The following GDPD5 variants were observed in gnomAD, a reference collection of about 807,000 sequenced individuals.
GDPD5 encodes glycerophosphodiester phosphodiesterase domain containing 5.
Under a neutral mutation model 75.1 loss-of-function variants are expected in GDPD5, and 48 were observed. That is an observed-to-expected ratio of 0.64 (90% CI 0.51 to 0.81). The LOEUF (loss-of-function observed/expected upper bound fraction) is 0.81, where lower values mean the gene tolerates loss of function less well. Among genes scored for constraint, GDPD5 ranks in the 40% least tolerant of loss-of-function variants. GDPD5 has a pLI of 0.00. For synonymous variants in GDPD5, 336 were observed against 339.0 expected, an observed-to-expected ratio of 0.99 and a Z score of 0.10; for missense variants, 706 against 822.6, an observed-to-expected ratio of 0.86 and a Z score of 1.73.
chr11:75,501,643 C>A (rs549350798), intron 1 of GDPD5, among the ~76,000 whole-genome samples: 18 of 152,294 alleles, frequency 1.2e-4, no homozygotes, highest in African/African-American at 4.3e-4. Context: ...AACAGTCTGG[C>A]CTGTTCCATT....
intron 2 of GDPD5, among the ~76,000 whole-genome samples, chr11:75,484,416 G>A (rs1180303462): frequency 2.0e-5 from 3 of 152,128 alleles, no homozygotes; most frequent in Non-Finnish European, 4.4e-5. Context: ...ACCCAGGCGT[G>A]GGTCTCCAGA....
At chr11:75,475,076 T>C (rs1243687565) in intron 3 of GDPD5, among the ~76,000 whole-genome samples, 1 of 152,232 alleles carries the variant, frequency 6.6e-6, no homozygotes, top group Non-Finnish European at 1.5e-5. Flanking sequence ...GCAATGCATG[T>C]AAACTGTTTG....
intron 2 of GDPD5, among the ~76,000 whole-genome samples, chr11:75,484,582 T>C (rs1949983742): frequency 6.6e-6 from 1 of 152,174 alleles, no homozygotes; most frequent in Admixed American, 6.5e-5. Context: ...CCTTAATAAA[T>C]GTGTTCCAGA....
chr11:75,439,865 C>A lies in GDPD5; in HGVS notation c.1556+14G>T. On this transcript the variant is annotated intron_variant, in intron 15 of 16. Coordinates refer to ENST00000336898, the MANE Select transcript of GDPD5 (RefSeq NM_030792.8). ...GGGTAGGGACAGCCACGGAAGTGGT[C>A]AGATCCTACTCACTTCTGGAGCACG... 6.2e-7 allele frequency: 1 copy of A among 1,606,748 alleles called. No homozygotes were observed. Among genetic ancestry groups the A allele is most frequent in the South Asian group, 1.1e-5 (1 of 90,882 alleles).
At chr11:75,462,172 G>A (rs950706764) in intron 4 of GDPD5, among the ~76,000 whole-genome samples, 1 of 152,196 alleles carries the variant, frequency 6.6e-6, no homozygotes, top group Non-Finnish European at 1.5e-5. Flanking sequence ...GTATACAAAG[G>A]GGGTAACCAA....
chr11:75,493,893 A>T (rs1386098761), intron 1 of GDPD5, among the ~76,000 whole-genome samples: 3 of 152,246 alleles, frequency 2.0e-5, no homozygotes, highest in Non-Finnish European at 4.4e-5. Flanking sequence ...AAAAATGCAC[A>T]TGGTGGCTGA....
rs1487400437 is a variant in GDPD5 at position 75,456,819 on chromosome 11, G to A, written c.316-3C>T. On this transcript the variant is annotated splice_region_variant and splice_polypyrimidine_tract_variant and intron_variant, in intron 5 of 16. Transcript: ENST00000336898. ...GCAATGTGACATAGTGCCAGGACCTGAGGAGGGACCCACAGGGTGATTGTC... is the reference window on the plus strand; with the variant it reads ...GCAATGTGACATAGTGCCAGGACCTAAGGAGGGACCCACAGGGTGATTGTC... 2 of 1,614,188 alleles carry A rather than the reference G, an allele frequency of 1.2e-6. No homozygotes were observed. Among genetic ancestry groups the A allele is most frequent in the Admixed American group, 1.7e-5 (1 of 60,034 alleles).
chr11:75,485,471 A>G (rs1456245419), intron 2 of GDPD5: 1 of 151,510 alleles, frequency 6.6e-6, no homozygotes, highest in African/African-American at 2.4e-5. Flanking sequence ...AATCAATTTT[A>G]CTGTAAACCT....
At position 75,470,924 on chromosome 11, in the gene GDPD5, G is replaced by A. The variant is rs114448869; in HGVS notation, c.117+6695C>T. Among the ~76,000 whole-genome samples the A allele has an allele frequency of 9.3e-3, 1,418 of 152,226 alleles. 22 individuals are homozygous for A. The highest frequency in any genetic ancestry group is 0.032 in the African/African-American group (1,318 of 41,532). Reference sequence around the variant, plus strand: ...CAAGGCAGCCCTTTCCCCCTTGTGCGGGCTCTGCCTGGCACAGCTCCTTTC... The same window carrying A: ...CAAGGCAGCCCTTTCCCCCTTGTGCAGGCTCTGCCTGGCACAGCTCCTTTC... On this transcript the variant is annotated intron_variant, in intron 3 of 16. Transcript: ENST00000336898.
chr11:75,447,867 C>A (rs902626667), intron 9 of GDPD5, among the ~76,000 whole-genome samples: 1 of 152,176 alleles, frequency 6.6e-6, no homozygotes, highest in African/African-American at 2.4e-5. Flanking sequence ...GGTGACCCCT[C>A]CAAGATGCAC....
intron 10 of GDPD5, 35 bp downstream of exon 10, chr11:75,444,378 G>A: frequency 6.7e-7 from 1 of 1,489,568 alleles, no homozygotes; most frequent in African/African-American, 1.4e-5. Context: ...CGTGTGGGAG[G>A]GGTAGAGGAA....
chr11:75,509,692 T>G (rs1461977331), intron 1 of GDPD5, among the ~76,000 whole-genome samples: 1 of 152,202 alleles, frequency 6.6e-6, no homozygotes, highest in African/African-American at 2.4e-5. Flanking sequence ...TTTCTTTTTC[T>G]TTTTTGAGAT....
chr11:75,445,462 T>C (rs1396080822), intron 9 of GDPD5, among the ~76,000 whole-genome samples: 3 of 152,166 alleles, frequency 2.0e-5, no homozygotes, highest in Non-Finnish European at 4.4e-5. Flanking sequence ...GCCTCCCTAG[T>C]TGGGTCTCAT....
intron 14 of GDPD5, among the ~76,000 whole-genome samples, chr11:75,440,749 G>A (rs1452517237): frequency 6.6e-6 from 1 of 150,992 alleles, no homozygotes; most frequent in Non-Finnish European, 1.5e-5. Flanking sequence ...ATTTTTTTTT[G>A]TAGAGACAGG....
chr11:75,517,266 C>G (rs1237960515), intron 1 of GDPD5: 1 of 152,054 alleles, frequency 6.6e-6, no homozygotes, highest in Non-Finnish European at 1.5e-5. Flanking sequence ...ACCAGCCTAA[C>G]CAACATAGCG....
chr11:75,441,194 A>C lies in GDPD5; in HGVS notation c.1442T>G (p.Leu481Arg), dbSNP rs1948789193. ...CCAGAGGGGGGAAGGCACCTGGGAC[A>C]GGGCGTGGGAGTTGTCAGAGGTGAC... is the stretch of plus-strand genomic sequence containing the variant. ...PSVTSDNSHA[L>R]SQVPSPLWIM... Residue 481 changes from leucine (L) to arginine (R), a missense_variant, in exon 14 of 17, where the codon CTG becomes CGG. Coordinates refer to ENST00000336898, the MANE Select transcript of GDPD5 (RefSeq NM_030792.8). The C allele has an allele frequency of 6.2e-7, 1 of 1,613,844 alleles. No individual in the cohort carries two copies. Among genetic ancestry groups the C allele is most frequent in the Non-Finnish European group, 8.5e-7 (1 of 1,179,976 alleles).
In GDPD5 at chr11:75,499,393, CCT is replaced by C. The variant is rs1491496892; in HGVS notation, c.-144-9075_-144-9074del. On this transcript the variant is annotated intron_variant, in intron 1 of 16. Coordinates refer to ENST00000336898, the MANE Select transcript of GDPD5 (RefSeq NM_030792.8). ...AACTTTCCTTCTTTCTTCTTCTTTT[CCT>C]TTTTTTTTTTTTTTTTTTTTTTAAC... 4.1e-3 allele frequency among the ~76,000 whole-genome samples: 571 copies of C among 140,172 alleles called. 5 individuals are homozygous for C. The highest frequency in any genetic ancestry group is 0.01 in the South Asian group (46 of 4,436). The allele number at this position is 140,172 out of a possible 152,430, so 92.0% of individuals were successfully genotyped here.
intron 15 of GDPD5, 71 bp downstream of exon 15, chr11:75,439,808 A>G: frequency 7.9e-7 from 1 of 1,265,004 alleles, no homozygotes; most frequent in Non-Finnish European, 1.2e-6. Flanking sequence ...GAGAGGGTTC[A>G]CCTGGCTGGG....
rs1406404939 is a variant in GDPD5 at position 75,441,640 on chromosome 11, A to C, written c.1325+6T>G. ...CTCCTGGAGGAGCCCAGGGCAGGGC[A>C]GGCACCTGAGCTCCTGGCGGGACAC... On this transcript the variant is annotated splice_donor_region_variant and intron_variant, in intron 13 of 16. Coordinates refer to ENST00000336898, the MANE Select transcript of GDPD5 (RefSeq NM_030792.8). 2 of 1,564,274 alleles carry C rather than the reference A, an allele frequency of 1.3e-6. No homozygotes were observed. Among genetic ancestry groups the C allele is most frequent in the East Asian group, 4.7e-5 (2 of 42,322 alleles).
Sources: gnomAD v4.1 joint callset for allele counts (sites outside exome capture counted in the v4.1 genomes callset) on GRCh38, gnomAD v4.1.1 for gene constraint, MANE v1.5 for transcripts, NCBI Gene and HGNC (gene_info 2026-07-23, HGNC 2026-07-21) for gene names.